Variants in ICAM2 observed in about 807,000 individuals in gnomAD.
The protein encoded by ICAM2 is ICAM-2.
In ICAM2, 14 loss-of-function variants were observed where a neutral mutation model predicts 19.1. That is an observed-to-expected ratio of 0.73 (90% CI 0.48 to 1.15). The LOEUF is 1.15. Ranked by LOEUF, ICAM2 falls within the 50% of genes most tolerant of loss-of-function variation. ICAM2 has a pLI of 0.00. For synonymous variants in ICAM2, 153 were observed against 152.7 expected, an observed-to-expected ratio of 1.00 and a Z score of -0.01; for missense variants, 311 against 355.4, an observed-to-expected ratio of 0.88 and a Z score of 1.00.
At chr17:64,014,456 AGAGAGAGAGG>A (rs1911603780) in intron 1 of ICAM2, among the ~76,000 whole-genome samples, 2 of 145,790 alleles carry the variant, frequency 1.4e-5, no homozygotes, top group African/African-American at 5.2e-5. Context: ...AGAGAGAAGG[AGAGAGAGAGG>A]GGAAGGAAGG....
At chr17:64,009,160 T>C (rs1342591399) in intron 1 of ICAM2, among the ~76,000 whole-genome samples, 1 of 152,250 alleles carries the variant, frequency 6.6e-6, no homozygotes, top group African/African-American at 2.4e-5. Context: ...TGTAGGACAC[T>C]GCCTGGCACA....
intron 4 of ICAM2, 167 bp downstream of exon 4, chr17:64,003,476 TG>T: frequency 1.5e-6 from 1 of 657,510 alleles, no homozygotes; most frequent in Non-Finnish European, 2.6e-6. Flanking sequence ...AGGTCCAAGC[TG>T]GGGACTTGGA....
chr17:64,006,963 G>A (rs1463796519), intron 1 of ICAM2: 10 of 522,098 alleles, frequency 1.9e-5, no homozygotes, highest in African/African-American at 7.7e-5. Context: ...TGCAAGGGGC[G>A]GGGCAGGCAA....
In ICAM2 at chr17:64,005,146, C is replaced by T. The variant is rs762048523; in HGVS notation, c.289G>A (p.Gly97Arg). The stretch of plus-strand genomic sequence containing the variant: ...TTGGAATTCATTGACTCCTGCTTCC[C>T]GGAGCAGGTGAAGTGGCATTGGAGG... ...TVLQCHFTCS[G>R]KQESMNSNVS... Residue 97 changes from glycine to arginine, a missense_variant, in exon 3 of 5, where the codon GGG (glycine) becomes AGG (arginine). Transcript: ENST00000579788. 2.2e-5 allele frequency: 35 copies of T among 1,613,958 alleles called. No homozygotes were observed. Among genetic ancestry groups the T allele is most frequent in the South Asian group, 6.6e-5 (6 of 91,082 alleles).
At chr17:64,007,776 G>C (rs1911278862) in intron 1 of ICAM2, 1 of 152,164 alleles carries the variant, frequency 6.6e-6, no homozygotes, top group Non-Finnish European at 1.5e-5. Flanking sequence ...CTCCAGGAGG[G>C]AGCCTTGGGT....
At chr17:64,005,576 G>T (rs1389068240) in intron 2 of ICAM2, among the ~76,000 whole-genome samples, 1 of 152,060 alleles carries the variant, frequency 6.6e-6, no homozygotes, top group Admixed American at 6.6e-5. Flanking sequence ...CCCTGCCTCT[G>T]GCTGTCCTTC....
At chr17:64,013,374 G>C (rs1056160809) in intron 1 of ICAM2, among the ~76,000 whole-genome samples, 3 of 152,120 alleles carry the variant, frequency 2.0e-5, no homozygotes, top group Non-Finnish European at 4.4e-5. Flanking sequence ...GGTGATGTGT[G>C]CCTGTAGTCT....
chr17:64,019,118 C>G (rs1338112150), intron 1 of ICAM2, among the ~76,000 whole-genome samples: 5 of 152,146 alleles, frequency 3.3e-5, no homozygotes, highest in African/African-American at 9.7e-5. Context: ...GTATCTTCCT[C>G]ATAGGGTTTT....
intron 1 of ICAM2, among the ~76,000 whole-genome samples, chr17:64,014,612 GGAGGGA>G (rs1430983797): frequency 8.2e-5 from 10 of 122,430 alleles, no homozygotes; most frequent in African/African-American, 1.3e-4. Context: ...AGGGAGGGAG[GGAGGGA>G]GAGAGAGAGA....
At chr17:64,012,467 G>C (rs762661465) in intron 1 of ICAM2, among the ~76,000 whole-genome samples, 19 of 152,142 alleles carry the variant, frequency 1.2e-4, no homozygotes, top group Non-Finnish European at 2.2e-4. Context: ...GGGCATAGTG[G>C]TGTGTATCTG....
chr17:64,013,110 C>T (rs139785206), intron 1 of ICAM2, among the ~76,000 whole-genome samples: 12 of 152,126 alleles, frequency 7.9e-5, no homozygotes, highest in Non-Finnish European at 1.5e-4. Context: ...GTCAGGAGTT[C>T]GAGACCAGCG....
At chr17:64,018,333 CAAAAA>C (rs376250303) in intron 1 of ICAM2, among the ~76,000 whole-genome samples, 61 of 52,736 alleles carry the variant, frequency 1.2e-3, no homozygotes, top group African/African-American at 5.8e-3. Context: ...GACTCTATCT[CAAAAA>C]AAAAAAAAAA....
At chr17:64,014,631 GAA>G (rs1022363247) in intron 1 of ICAM2, among the ~76,000 whole-genome samples, 1 of 141,636 alleles carries the variant, frequency 7.1e-6, no homozygotes, top group African/African-American at 2.7e-5. Context: ...GAGAGAGAAA[GAA>G]AGAAAGAGAG....
intron 3 of ICAM2, chr17:64,004,728 G>T (rs369937803): frequency 3.0e-6 from 1 of 330,220 alleles, no homozygotes; most frequent in Non-Finnish European, 5.9e-6. Flanking sequence ...AACCCTGGGC[G>T]ACACTTCAAC....
intron 1 of ICAM2, among the ~76,000 whole-genome samples, chr17:64,007,208 C>T (rs573851505): frequency 3.3e-5 from 5 of 152,254 alleles, no homozygotes; most frequent in South Asian, 2.1e-4. Flanking sequence ...TGCTAAATGC[C>T]TGGTGCAATT....
chr17:64,004,425 C>A (rs1911061736), intron 3 of ICAM2: 4 of 173,736 alleles, frequency 2.3e-5, no homozygotes, highest in Non-Finnish European at 3.7e-5. Context: ...AGGGTCAGGG[C>A]CATGGCCACC....
rs774163017 is a variant in ICAM2 at position 64,002,879 on chromosome 17, C to T, written c.696G>A (p.Ser232=). ...ATGTCACGAACAGGGACAGCAACACCGACACCACCGTGACTATGATGACCA... is the reference window on the plus strand; with the variant it reads ...ATGTCACGAACAGGGACAGCAACACTGACACCACCGTGACTATGATGACCA... ...SQMVIIVTVV[S]VLLSLFVTSV... The change falls in exon 5 of 5, where the codon TCG becomes TCA. Residue 232 remains serine, a synonymous_variant. Coordinates refer to ENST00000579788, the MANE Select transcript of ICAM2 (RefSeq NM_001099789.2). 17 of 1,613,858 alleles carry T rather than the reference C, an allele frequency of 1.1e-5. No individual in the cohort carries two copies. The highest frequency in any genetic ancestry group is 2.2e-5 in the East Asian group (1 of 44,848).
rs368072481 is a variant in ICAM2, at chr17:64,008,305, G to C, written c.-44-1570C>G. 7.9e-5 allele frequency among the ~76,000 whole-genome samples: 12 copies of C among 152,272 alleles called. No homozygotes were observed. In the East Asian group the frequency reaches 2.3e-3, roughly 29 times the overall value. ...TTTCATGTGGGGCCAGCAAAGTCCT[G>C]AGAGCAGGAAACACTCCTGAAACCC... On this transcript the variant is annotated intron_variant, in intron 1 of 4. Transcript: ENST00000579788.
At chr17:64,004,209 C>G (rs1911046117) in intron 3 of ICAM2, 6 of 511,730 alleles carry the variant, frequency 1.2e-5, no homozygotes, top group Admixed American at 1.1e-4. Context: ...AGAAATTGTA[C>G]AGCCAACTGG....
Sources: allele counts gnomAD v4.1 joint callset (sites outside exome capture counted in the v4.1 genomes callset), GRCh38; gene constraint gnomAD v4.1.1; transcripts MANE v1.5; gene names NCBI Gene and HGNC (gene_info 2026-07-23, HGNC 2026-07-21).